The following RPS6KC1 variants were observed in gnomAD, a reference collection of about 807,000 sequenced individuals.
RPS6KC1 encodes ribosomal protein S6 kinase C1, also known as inactive ribosomal protein S6 kinase delta-1.
Under a neutral mutation model 103.8 loss-of-function variants are expected in RPS6KC1, and 54 were observed. The observed-to-expected ratio is 0.52, with a 90% CI of 0.42 to 0.65. The LOEUF is 0.65. RPS6KC1 is among the 30% of genes least tolerant of loss of function. The pLI, the probability that RPS6KC1 is intolerant of heterozygous loss-of-function variation, is 0.00. For synonymous variants in RPS6KC1, 439 were observed against 438.7 expected (o/e 1.00, Z -0.01); for missense variants, 1,151 against 1,253.8 (o/e 0.92, Z 1.24).
chr1:213,216,604 T>C (rs1159207749), intron 8 of RPS6KC1, among the ~76,000 whole-genome samples: 2 of 152,128 alleles, frequency 1.3e-5, no homozygotes, highest in African/African-American at 2.4e-5. Context: ...ATTACAAAAT[T>C]GACCACATAC....
At chr1:213,713,455 T>A in the RPS6KC1 span, among the ~76,000 whole-genome samples, 3 of 152,208 alleles carry the variant, frequency 2.0e-5, no homozygotes, top group African/African-American at 4.8e-5. Context: ...ATAGCAGTAC[T>A]TTTTTTAGTA....
At chr1:213,449,797 T>C in the RPS6KC1 span, among the ~76,000 whole-genome samples, 1 of 152,260 alleles carries the variant, frequency 6.6e-6, no homozygotes, top group South Asian at 2.1e-4. Flanking sequence ...TTCATAGCTG[T>C]GTTCCCTTCC....
the RPS6KC1 span, among the ~76,000 whole-genome samples, chr1:213,421,157 C>T: frequency 6.6e-6 from 1 of 152,134 alleles, no homozygotes; most frequent in Non-Finnish European, 1.5e-5. Flanking sequence ...GAGTTTCCGT[C>T]TTGTTGGAGT....
the RPS6KC1 span, among the ~76,000 whole-genome samples, chr1:213,538,517 A>C: frequency 1.3e-5 from 2 of 152,218 alleles, no homozygotes; most frequent in East Asian, 3.9e-4. Context: ...GGAAGATTTT[A>C]AGGTAGAACG....
the RPS6KC1 span, among the ~76,000 whole-genome samples, chr1:213,405,994 G>A: frequency 6.6e-6 from 1 of 152,210 alleles, no homozygotes; most frequent in Non-Finnish European, 1.5e-5. Context: ...CATCCAGGGG[G>A]CCCGATGCTG....
the RPS6KC1 span, among the ~76,000 whole-genome samples, chr1:213,294,054 C>T: frequency 3.9e-5 from 6 of 152,300 alleles, no homozygotes; most frequent in South Asian, 2.1e-4. Flanking sequence ...GAAAGCAACC[C>T]GAGCACCATT....
rs745591737 is a variant in RPS6KC1 at position 213,215,315 on chromosome 1, A to G, written c.1045-15182A>G. Among the ~76,000 whole-genome samples the G allele has an allele frequency of 2.6e-4, 39 of 152,318 alleles. 1 individual carries two copies. Among genetic ancestry groups the G allele is most frequent in the Non-Finnish European group, 4.4e-4 (30 of 68,034 alleles). ...CAAATGAATGAAATGAAGTGAGAAG[A>G]GAAGTTTAGAGAAAAAAGAATAAAA... On this transcript the variant is annotated intron_variant, in intron 8 of 14. Transcript: ENST00000366960.
the RPS6KC1 span, among the ~76,000 whole-genome samples, chr1:213,574,037 C>T: frequency 6.6e-6 from 1 of 152,186 alleles, no homozygotes; most frequent in African/African-American, 2.4e-5. Context: ...CATCAGCTGT[C>T]AGAAGGGTAA....
the RPS6KC1 span, among the ~76,000 whole-genome samples, chr1:213,487,651 C>T: frequency 4.6e-5 from 7 of 152,180 alleles, no homozygotes; most frequent in South Asian, 2.1e-4. Context: ...AATCAGGCTG[C>T]GTGGGTTTAA....
chr1:213,505,027 G>T, the RPS6KC1 span, among the ~76,000 whole-genome samples: 1 of 152,060 alleles, frequency 6.6e-6, no homozygotes, highest in Non-Finnish European at 1.5e-5. Flanking sequence ...CCAAGATCTG[G>T]GTCACTGGAG....
chr1:213,510,060 C>T, the RPS6KC1 span, among the ~76,000 whole-genome samples: 1 of 152,188 alleles, frequency 6.6e-6, no homozygotes, highest in East Asian at 1.9e-4. Context: ...TGGGTTCCTA[C>T]CTACAATAGG....
the RPS6KC1 span, among the ~76,000 whole-genome samples, chr1:213,601,385 T>C: frequency 6.8e-6 from 1 of 147,920 alleles, no homozygotes; most frequent in Non-Finnish European, 1.5e-5. Context: ...AAATATATTA[T>C]ATATTTATAT....
chr1:213,153,851 C>G (rs928082273), intron 6 of RPS6KC1, among the ~76,000 whole-genome samples: 1 of 152,072 alleles, frequency 6.6e-6, no homozygotes, highest in African/African-American at 2.4e-5. Flanking sequence ...CTATACTCTT[C>G]TAGGGTAAAT....
chr1:213,667,758 C>T, the RPS6KC1 span, among the ~76,000 whole-genome samples: 7 of 152,196 alleles, frequency 4.6e-5, no homozygotes, highest in Non-Finnish European at 1.0e-4. Flanking sequence ...CCTCTCAAAC[C>T]CTGTTGCTGC....
At chr1:213,396,126 T>C in the RPS6KC1 span, among the ~76,000 whole-genome samples, 1 of 152,294 alleles carries the variant, frequency 6.6e-6, no homozygotes, top group African/African-American at 2.4e-5. Context: ...GGCTTAGATC[T>C]TGGACTCTTC....
At chr1:213,805,940 A>G in the RPS6KC1 span, among the ~76,000 whole-genome samples, 3 of 152,376 alleles carry the variant, frequency 2.0e-5, no homozygotes, top group Non-Finnish European at 4.4e-5. Flanking sequence ...GTACATCTTC[A>G]TCAGAGCTCT....
At chr1:213,798,201 A>G in the RPS6KC1 span, among the ~76,000 whole-genome samples, 1 of 152,170 alleles carries the variant, frequency 6.6e-6, no homozygotes, top group African/African-American at 2.4e-5. Flanking sequence ...AAGCCCATAA[A>G]AGTACGGATG....
At chr1:213,440,671 G>T in the RPS6KC1 span, among the ~76,000 whole-genome samples, 1 of 151,588 alleles carries the variant, frequency 6.6e-6, no homozygotes, top group South Asian at 2.1e-4. Context: ...TCAAGCAAGA[G>T]GAGAAGCCTC....
At chr1:213,434,829 T>G in the RPS6KC1 span, among the ~76,000 whole-genome samples, 1 of 152,206 alleles carries the variant, frequency 6.6e-6, no homozygotes, top group South Asian at 2.1e-4. Context: ...GTCACTGGTA[T>G]AGGACAATTA....
Sources: gnomAD v4.1 joint callset for allele counts (sites outside exome capture counted in the v4.1 genomes callset) on GRCh38, gnomAD v4.1.1 for gene constraint, MANE v1.5 for transcripts, NCBI Gene and HGNC (gene_info 2026-07-23, HGNC 2026-07-21) for gene names.